The following PTPRD variants were observed in gnomAD, a reference collection of about 807,000 sequenced individuals.
PTPRD encodes the protein receptor-type tyrosine-protein phosphatase delta.
PTPRD carries 34 observed loss-of-function variants against 214.5 expected under a neutral mutation model. The observed-to-expected ratio is 0.16, with a 90% CI of 0.12 to 0.21. The LOEUF (loss-of-function observed/expected upper bound fraction) is 0.21, where lower values mean the gene tolerates loss of function less well. PTPRD is among the 10% of genes least tolerant of loss of function. The pLI, the probability that PTPRD is intolerant of heterozygous loss-of-function variation, is 1.00. For missense variants in PTPRD, 2,545 were observed against 2,398.7 expected, an observed-to-expected ratio of 1.06 and a Z score of -1.27; for synonymous variants, 1,128 against 845.7, an observed-to-expected ratio of 1.33 and a Z score of -5.79.
chr9:8,600,286 AGGC>A (rs2154276108), intron 14 of PTPRD, among the ~76,000 whole-genome samples: 1 of 152,200 alleles, frequency 6.6e-6, no homozygotes, highest in Non-Finnish European at 1.5e-5. Flanking sequence ...TCACCATCAC[AGGC>A]TGAAGCACTC....
intron 2 of PTPRD, among the ~76,000 whole-genome samples, chr9:10,507,107 T>TA (rs1045458177): frequency 1.3e-5 from 2 of 152,094 alleles, no homozygotes; most frequent in Non-Finnish European, 2.9e-5. Context: ...AGTCTCGGGA[T>TA]AAAAAATCAA....
At chr9:9,850,457 C>T (rs2060337730) in intron 5 of PTPRD, among the ~76,000 whole-genome samples, 1 of 152,042 alleles carries the variant, frequency 6.6e-6, no homozygotes, top group Non-Finnish European at 1.5e-5. Context: ...GCTTAAGCAA[C>T]ATTTTCTGGA....
In PTPRD at chr9:10,223,747, A is replaced by C. The variant is rs112861730; in HGVS notation, c.-545+117216T>G. Among the ~76,000 whole-genome samples the C allele has an allele frequency of 9.4e-3, 1,401 of 149,658 alleles. 22 individuals carry two copies. The highest frequency in any genetic ancestry group is 0.012 in the Non-Finnish European group (794 of 67,498). The stretch of plus-strand genomic sequence containing the variant: ...TAGTTAAACCACTGTATTCCATTAA[A>C]ACAAACAATAAAACCTCTGGGTAAC... On this transcript the variant is annotated intron_variant, in intron 3 of 45. Transcript: ENST00000381196.
intron 8 of PTPRD, among the ~76,000 whole-genome samples, chr9:9,458,835 G>C (rs1240145207): frequency 6.6e-6 from 1 of 152,076 alleles, no homozygotes; most frequent in Non-Finnish European, 1.5e-5. Context: ...AGCTACTTGG[G>C]AGGTTGAAGT....
intron 3 of PTPRD, among the ~76,000 whole-genome samples, chr9:10,209,705 T>A (rs188959799): frequency 6.6e-6 from 1 of 151,882 alleles, no homozygotes; most frequent in African/African-American, 2.4e-5. Flanking sequence ...ATTCTACTTA[T>A]CTCAAAAGGA....
intron 8 of PTPRD, among the ~76,000 whole-genome samples, chr9:9,522,944 T>C (rs1039571050): frequency 5.9e-5 from 9 of 152,096 alleles, no homozygotes; most frequent in Non-Finnish European, 8.8e-5. Flanking sequence ...ACAGGGAAGG[T>C]GGAAAAGCCT....
chr9:10,379,774 T>C (rs181374890), intron 2 of PTPRD, among the ~76,000 whole-genome samples: 1 of 152,190 alleles, frequency 6.6e-6, no homozygotes, highest in Non-Finnish European at 1.5e-5. Context: ...TAGAGAAACA[T>C]AATGTAGTTT....
chr9:9,301,959 T>C (rs1955485348), intron 9 of PTPRD, among the ~76,000 whole-genome samples: 1 of 151,916 alleles, frequency 6.6e-6, no homozygotes, highest in Middle Eastern at 3.2e-3. Flanking sequence ...ATTTGCTATG[T>C]TGGTTCATTC....
intron 9 of PTPRD, among the ~76,000 whole-genome samples, chr9:9,281,413 A>C (rs1947643156): frequency 6.6e-6 from 1 of 151,320 alleles, no homozygotes; most frequent in South Asian, 2.1e-4. Flanking sequence ...GAAACCAAAA[A>C]CCTGATTGAA....
intron 3 of PTPRD, among the ~76,000 whole-genome samples, chr9:10,229,623 G>A (rs969221705): frequency 7.1e-6 from 1 of 140,334 alleles, no homozygotes; most frequent in Admixed American, 8.0e-5. Context: ...AACACCGCAT[G>A]TTCTCACTCA....
At chr9:8,448,514 C>T (rs926667827) in intron 34 of PTPRD, among the ~76,000 whole-genome samples, 6 of 152,132 alleles carry the variant, frequency 3.9e-5, no homozygotes, top group African/African-American at 1.4e-4. Flanking sequence ...CAGAGGGCTA[C>T]GACCTATCCT....
At chr9:9,566,169 A>T (rs1219085491) in intron 8 of PTPRD, among the ~76,000 whole-genome samples, 1 of 151,898 alleles carries the variant, frequency 6.6e-6, no homozygotes, top group Non-Finnish European at 1.5e-5. Context: ...CACTAATTAC[A>T]TTTATACGTG....
chr9:8,791,982 A>G (rs114769426), intron 11 of PTPRD, among the ~76,000 whole-genome samples: 240 of 152,276 alleles, frequency 1.6e-3, no homozygotes, highest in African/African-American at 5.5e-3. Context: ...GGGACTGAAG[A>G]GGTAATGAAG....
intron 3 of PTPRD, among the ~76,000 whole-genome samples, chr9:10,048,704 A>C (rs1290199626): frequency 6.6e-6 from 1 of 152,062 alleles, no homozygotes; most frequent in Non-Finnish European, 1.5e-5. Context: ...CTTTTCATTC[A>C]TATATTTAAT....
chr9:9,639,464 A>G (rs2095868774), intron 7 of PTPRD, among the ~76,000 whole-genome samples: 1 of 152,044 alleles, frequency 6.6e-6, no homozygotes. Context: ...GCATAGTTTC[A>G]CTCTGGCCAT....
At chr9:9,060,825 T>C (rs1030662113) in intron 10 of PTPRD, among the ~76,000 whole-genome samples, 11 of 152,190 alleles carry the variant, frequency 7.2e-5, no homozygotes, top group African/African-American at 2.2e-4. Flanking sequence ...TGTTAGTATG[T>C]GGCATAATTA....
At chr9:8,482,320 G>T (rs920116564) in intron 30 of PTPRD, among the ~76,000 whole-genome samples, 1 of 151,974 alleles carries the variant, frequency 6.6e-6, no homozygotes, top group East Asian at 1.9e-4. Flanking sequence ...TGTAACTCAT[G>T]TCTACCTCTG....
At chr9:10,491,166 T>A (rs1412862475) in intron 2 of PTPRD, among the ~76,000 whole-genome samples, 1 of 152,186 alleles carries the variant, frequency 6.6e-6, no homozygotes, top group East Asian at 1.9e-4. Flanking sequence ...AATGAATACA[T>A]GAATATGAGT....
intron 8 of PTPRD, among the ~76,000 whole-genome samples, chr9:9,447,348 A>G (rs2090784002): frequency 6.6e-6 from 1 of 152,106 alleles, no homozygotes; most frequent in East Asian, 1.9e-4. Context: ...AAAAAATGAG[A>G]TCATGTCCTT....
Sources: allele counts gnomAD v4.1 joint callset (sites outside exome capture counted in the v4.1 genomes callset), GRCh38; gene constraint gnomAD v4.1.1; transcripts MANE v1.5; gene names NCBI Gene and HGNC (gene_info 2026-07-23, HGNC 2026-07-21).